The following CDHR2 variants were observed in gnomAD, a reference collection of about 807,000 sequenced individuals.
The protein encoded by CDHR2 is cadherin related family member 2.
CDHR2 carries 104 observed loss-of-function variants against 138.6 expected under a neutral mutation model. The observed-to-expected ratio is 0.75, with a 90% CI of 0.64 to 0.88. The LOEUF (loss-of-function observed/expected upper bound fraction) is 0.88. Ranked by LOEUF, CDHR2 falls within the 40% of genes least tolerant of loss-of-function variation. The pLI, the probability that CDHR2 is intolerant of heterozygous loss-of-function variation, is 0.00. For synonymous variants in CDHR2, 755 were observed against 742.8 expected (o/e 1.02, Z -0.27); for missense variants, 1,624 against 1,727.6 (o/e 0.94, Z 1.06).
chr5:176,592,856 G>A (rs575874023), intron 31 of CDHR2, 76 bp downstream of exon 31: 2 of 1,271,768 alleles, frequency 1.6e-6, no homozygotes, highest in East Asian at 2.3e-5. Context: ...CAGAGCTCAA[G>A]GGACCTGCTA....
chr5:176,577,387 C>G lies in CDHR2; in HGVS notation c.1195-12C>G, dbSNP rs768670719. 1.9e-6 allele frequency: 3 copies of G among 1,602,502 alleles called. No homozygotes were observed. In the South Asian group the frequency reaches 3.4e-5, roughly 18 times the overall value. On this transcript the variant is annotated splice_polypyrimidine_tract_variant and intron_variant, in intron 12 of 31. Coordinates refer to ENST00000261944, the MANE Select transcript of CDHR2 (RefSeq NM_017675.6). ...GGGGGACAGGTCCCTGCTAGACAGC[C>G]CACCTTTACAGGGCAGCAATGGCAC... is the stretch of plus-strand genomic sequence containing the variant.
rs565716990 is a variant in CDHR2 at position 176,565,422 on chromosome 5, C to T, written c.52+18C>T. On this transcript the variant is annotated intron_variant, in intron 2 of 31. Transcript: ENST00000261944. ...GGTGTCTGGTAGGTGTCTCCCCTCC[C>T]CAGCCACGCAGCCCTAACCTAGAGA... 139 of 1,612,762 alleles carry T rather than the reference C, an allele frequency of 8.6e-5. No individual in the cohort carries two copies. In the South Asian group the frequency reaches 1.4e-3, roughly 16 times the overall value.
chr5:176,569,875 G>T (rs936156251), intron 5 of CDHR2, among the ~76,000 whole-genome samples: 1 of 151,524 alleles, frequency 6.6e-6, no homozygotes, highest in East Asian at 2.0e-4. Context: ...CACAAGAATC[G>T]CTTGAACCCG....
chr5:176,571,790 C>A (rs1292222253), intron 6 of CDHR2, among the ~76,000 whole-genome samples: 1 of 152,138 alleles, frequency 6.6e-6, no homozygotes, highest in Non-Finnish European at 1.5e-5. Flanking sequence ...CACGCCTCGG[C>A]CTCCCAAAGT....
intron 31 of CDHR2, 131 bp from the exon 32 acceptor site, chr5:176,595,401 A>G (rs1336316688): frequency 6.9e-6 from 7 of 1,011,446 alleles, no homozygotes; most frequent in Middle Eastern, 3.3e-4. Context: ...CAGAGGCCCC[A>G]GGAGGGGCAG....
chr5:176,575,156 A>G lies in CDHR2; in HGVS notation c.568A>G (p.Ser190Gly), dbSNP rs1758336939. 6.2e-7 allele frequency: 1 copy of G among 1,614,082 alleles called. No individual in the cohort carries two copies. Among genetic ancestry groups the G allele is most frequent in the African/African-American group, 1.3e-5 (1 of 74,940 alleles). Residue 190 changes from serine to glycine, a missense_variant, in exon 8 of 32, where the codon AGC (serine) becomes GGC (glycine). This residue lies in a region of CDHR2 where 1,061 missense variants were observed against 1,136.6 expected (regional missense o/e 0.93). Transcript: ENST00000261944. ...CAATGGCTCCATAGTCCTCAATGGC[A>G]GCCTCAGCTACAACAACAAGAGCGC... ...LANGSIVLNG[S>G]LSYNNKSAFY...
rs188310357 is a variant in CDHR2 at position 176,569,030 on chromosome 5, G to T, written c.315+20G>T. ...ATCCAGGTGAGTTGGGAGGTGCAGGGGGGTAGACAGGGATTGCGAGAGTCC... is the reference window on the plus strand; with the variant it reads ...ATCCAGGTGAGTTGGGAGGTGCAGGTGGGTAGACAGGGATTGCGAGAGTCC... On this transcript the variant is annotated intron_variant, in intron 5 of 31. Coordinates refer to ENST00000261944, the MANE Select transcript of CDHR2 (RefSeq NM_017675.6). 1.9e-6 allele frequency: 3 copies of T among 1,613,374 alleles called. No homozygotes were observed. Among genetic ancestry groups the T allele is most frequent in the Non-Finnish European group, 1.7e-6 (2 of 1,179,588 alleles).
Position 176,583,706 on chromosome 5 carries a change from C to T in CDHR2, c.2059-484C>T, listed in dbSNP as rs139243378. On this transcript the variant is annotated intron_variant, in intron 17 of 31. Transcript: ENST00000261944. ...TCCCCGGAGCCCAGCTCTGACTGAG[C>T]ACAGAGCTGGTGTTGTGGGCTCAGT... 1.9e-3 allele frequency among the ~76,000 whole-genome samples: 292 copies of T among 152,202 alleles called. 3 individuals carry two copies. The highest frequency in any genetic ancestry group is 5.4e-3 in the East Asian group (28 of 5,176).
chr5:176,582,443 C>T (rs1295353230), intron 17 of CDHR2, among the ~76,000 whole-genome samples: 1 of 150,342 alleles, frequency 6.7e-6, no homozygotes, highest in African/African-American at 2.4e-5. Flanking sequence ...GCTGGGATTA[C>T]AGGCATAAGT....
chr5:176,591,291 C>T lies in CDHR2; in HGVS notation c.3621C>T (p.Ala1207=), dbSNP rs1581151737. 6.2e-7 allele frequency: 1 copy of T among 1,613,804 alleles called. No individual in the cohort carries two copies. The highest frequency in any genetic ancestry group is 2.2e-5 in the East Asian group (1 of 44,888). ...CAGGGGTGATGCCCTCAGCCCCTGCCATCCCAGGGACTAACATGTACAACA... is the reference window on the plus strand; with the variant it reads ...CAGGGGTGATGCCCTCAGCCCCTGCTATCCCAGGGACTAACATGTACAACA... ...TAAGVMPSAP[A]IPGTNMYNTE... is the part of the protein sequence containing the mutation. The change falls in exon 29 of 32, where the codon GCC becomes GCT. Residue 1207 remains alanine (A), a synonymous_variant. Coordinates refer to ENST00000261944, the MANE Select transcript of CDHR2 (RefSeq NM_017675.6).
chr5:176,592,746 C>G lies in CDHR2; in HGVS notation c.3758C>G (p.Ser1253Cys). 6.2e-7 allele frequency: 1 copy of G among 1,613,846 alleles called. No homozygotes were observed. The highest frequency in any genetic ancestry group is 8.5e-7 in the Non-Finnish European group (1 of 1,179,844). Residue 1253 changes from serine (S) to cysteine (C), a missense_variant, in exon 31 of 32, where the codon TCT becomes TGT. Transcript: ENST00000261944. ...AGCGTCAACTCCCTGGACGACAACT[C>G]TGTGGATGTGGACAAGAACAGTCAG... ...SVSVNSLDDN[S>C]VDVDKNSQEI...
rs755600444 is a variant in CDHR2 at position 176,584,843 on chromosome 5, CG to C, written c.2566del (p.Val856SerfsTer44). 2.5e-6 allele frequency: 4 copies of C among 1,614,102 alleles called. No individual in the cohort carries two copies. The highest frequency in any genetic ancestry group is 3.4e-6 in the Non-Finnish European group (4 of 1,180,022). On this transcript the variant is annotated frameshift_variant, in exon 19 of 32. Transcript: ENST00000261944. LOFTEE classifies it high-confidence loss of function. ...QLVNILCTKA[G>X]VDVGSLCWGW... is the part of the protein sequence containing the mutation. The stretch of plus-strand genomic sequence containing the variant: ...TTGTGAACATTCTCTGCACCAAGGC[CG>C]GGGTCGATGTGGGCAGCCTATGCTG...
At chr5:176,593,872 C>G (rs1758949027) in intron 31 of CDHR2, among the ~76,000 whole-genome samples, 2 of 152,224 alleles carry the variant, frequency 1.3e-5, no homozygotes, top group South Asian at 4.1e-4. Context: ...GGCCTCCGGA[C>G]AGGCCCCAGG....
rs1758155035 is a variant in CDHR2, at chr5:176,568,967, A to G, written c.272A>G (p.Tyr91Cys). 6.2e-7 allele frequency: 1 copy of G among 1,614,090 alleles called. No homozygotes were observed. ...TCTCTCTGGCTGCTGCAGACACTCT[A>G]CACATTCAAAGTCACCATCTCCGTG... is the stretch of plus-strand genomic sequence containing the variant. Reference protein sequence around the residue: ...LASALDYETLYTFKVTISVSD... With the variant: ...LASALDYETLCTFKVTISVSD... The change falls in exon 5 of 32, where the codon TAC (tyrosine) becomes TGC (cysteine). Residue 91 changes from tyrosine to cysteine, a missense_variant. By Grantham distance (194) the Tyr-to-Cys change is radical (BLOSUM62 -2). This residue lies in a region of CDHR2 where 1,061 missense variants were observed against 1,136.6 expected (regional missense o/e 0.93). Transcript: ENST00000261944.
intron 16 of CDHR2, among the ~76,000 whole-genome samples, chr5:176,579,891 C>A (rs963854879): frequency 6.6e-6 from 1 of 152,124 alleles, no homozygotes; most frequent in African/African-American, 2.4e-5. Flanking sequence ...AGGAAGAGGG[C>A]GTCAGACAGT....
In CDHR2 at chr5:176,581,445, C is replaced by T; in HGVS notation, c.1921C>T (p.Leu641Phe). The T allele has an allele frequency of 6.2e-7, 1 of 1,614,198 alleles. No homozygotes were observed. Among genetic ancestry groups the T allele is most frequent in the Non-Finnish European group, 8.5e-7 (1 of 1,180,044 alleles). ...HNFSLDPDTG[L>F]LRNLGPLDRE... is the part of the protein sequence containing the mutation. The stretch of plus-strand genomic sequence containing the variant: ...CTTCTCCTTGGACCCTGACACAGGG[C>T]TCCTCAGAAACCTGGGGCCCCTGGA... The change falls in exon 17 of 32, where the codon CTC becomes TTC. Residue 641 changes from leucine (L) to phenylalanine (F), a missense_variant. Physicochemically the swap from Leu to Phe is conservative, Grantham distance 22. Around this residue, in one of 3 missense-constraint regions of CDHR2, gnomAD observed 1,061 missense variants for 1,136.6 expected, o/e 0.93. Coordinates refer to ENST00000261944, the MANE Select transcript of CDHR2 (RefSeq NM_017675.6).
At chr5:176,585,915 T>C (rs1758652737) in intron 19 of CDHR2, 39 bp from the exon 20 acceptor site, 1 of 1,546,148 alleles carries the variant, frequency 6.5e-7, no homozygotes, top group Non-Finnish European at 8.9e-7. Context: ...TGGGTCAAGC[T>C]TTTGCCCAGA....
chr5:176,559,362 C>G (rs1195131416), intron 1 of CDHR2, among the ~76,000 whole-genome samples: 1 of 152,232 alleles, frequency 6.6e-6, no homozygotes, highest in Non-Finnish European at 1.5e-5. Flanking sequence ...CCTTCTGATT[C>G]TGGGTCCTTT....
chr5:176,565,284 G>C, intron 1 of CDHR2, 54 bp from the exon 2 acceptor site: 1 of 1,356,810 alleles, frequency 7.4e-7, no homozygotes, highest in Non-Finnish European at 1.1e-6. Context: ...ATGGGAGTCT[G>C]CCAAAAGGAG....
Sources: allele counts gnomAD v4.1 joint callset (sites outside exome capture counted in the v4.1 genomes callset), GRCh38; gene constraint gnomAD v4.1.1; regional missense constraint gnomAD v4.1.1; transcripts MANE v1.5; gene names NCBI Gene and HGNC (gene_info 2026-07-23, HGNC 2026-07-21).